The following PFKL variants were observed in gnomAD, a reference collection of about 807,000 sequenced individuals.
PFKL encodes ATP-dependent 6-phosphofructokinase, liver type.
Under a neutral mutation model 92.1 loss-of-function variants are expected in PFKL, and 74 were observed. That is an observed-to-expected ratio of 0.80 (90% CI 0.67 to 0.97). The LOEUF is 0.97. Ranked by LOEUF, PFKL falls within the 50% of genes least tolerant of loss-of-function variation. The pLI is 0.00. For missense variants in PFKL, 1,028 were observed against 1,116.6 expected (o/e 0.92, Z 1.13); for synonymous variants, 494 against 456.4 (o/e 1.08, Z -1.05).
intron 1 of PFKL, chr21:44,305,537 TG>T: frequency 1.0e-6 from 1 of 959,660 alleles, no homozygotes; most frequent in Non-Finnish European, 1.4e-6. Context: ...GTATGGGTGC[TG>T]GGAGGGAGGC....
rs781709491 is a variant in PFKL at position 44,322,088 on chromosome 21, C to G, written c.1339-45C>G. 9 of 1,571,464 alleles carry G rather than the reference C, an allele frequency of 5.7e-6. No homozygotes were observed. The East Asian group carries it at 1.8e-4, about 32-fold the overall frequency. ...CAGGCCCACCCCTGGGGGGAATTGGCCAGAGGCTCAGGCTGGCCCCTGAAG... is the reference window on the plus strand; with the variant it reads ...CAGGCCCACCCCTGGGGGGAATTGGGCAGAGGCTCAGGCTGGCCCCTGAAG... On this transcript the variant is annotated intron_variant, in intron 13 of 21. Transcript: ENST00000349048.
intron 7 of PFKL, chr21:44,315,995 T>C (rs949831863): frequency 1.1e-5 from 6 of 539,198 alleles, no homozygotes; most frequent in Admixed American, 3.2e-5. Flanking sequence ...CCTCCCCTGC[T>C]GCCCTTCCCA....
At chr21:44,307,939 A>G (rs1252772769) in intron 2 of PFKL, among the ~76,000 whole-genome samples, 1 of 152,180 alleles carries the variant, frequency 6.6e-6, no homozygotes, top group Non-Finnish European at 1.5e-5. Context: ...GTGGCAAAAG[A>G]CAGAAAACAG....
chr21:44,324,488 C>T lies in PFKL; in HGVS notation c.1651-3C>T, dbSNP rs755275963. 10 of 1,612,976 alleles carry T rather than the reference C, an allele frequency of 6.2e-6. No individual in the cohort carries two copies. The South Asian group carries it at 1.1e-4, about 18-fold the overall frequency. ...GGACCCCCGACCCCCCCTTGTCCCC[C>T]AGAGCTGTGACCGCATCAAACAGTC... On this transcript the variant is annotated splice_region_variant and splice_polypyrimidine_tract_variant and intron_variant, in intron 16 of 21. Transcript: ENST00000349048.
chr21:44,314,399 G>A, intron 7 of PFKL: 1 of 224,962 alleles, frequency 4.4e-6, no homozygotes, highest in East Asian at 1.1e-4. Context: ...GCAGGGCTGT[G>A]GGGGTGGCGA....
chr21:44,314,221 C>T (rs1032778821), intron 7 of PFKL, 200 bp downstream of exon 7: 5 of 579,916 alleles, frequency 8.6e-6, no homozygotes, highest in Non-Finnish European at 1.5e-5. Flanking sequence ...GGTCCTGCCC[C>T]CAGTGGGCAG....
At chr21:44,309,765 A>G (rs910534229) in intron 2 of PFKL, among the ~76,000 whole-genome samples, 1 of 152,148 alleles carries the variant, frequency 6.6e-6, no homozygotes, top group African/African-American at 2.4e-5. Context: ...AGAGGGGGCC[A>G]GGCTGGCCTG....
At chr21:44,303,069 C>A (rs1601986755) in intron 1 of PFKL, among the ~76,000 whole-genome samples, 1 of 152,034 alleles carries the variant, frequency 6.6e-6, no homozygotes, top group Non-Finnish European at 1.5e-5. Context: ...CTCGTCTCTA[C>A]TAAAAATACA....
intron 1 of PFKL, among the ~76,000 whole-genome samples, chr21:44,301,722 G>T (rs796278257): frequency 6.6e-6 from 1 of 152,110 alleles, no homozygotes; most frequent in South Asian, 2.1e-4. Context: ...CCAGGGAGGC[G>T]CTTTCTTGGT....
intron 19 of PFKL, 92 bp from the exon 20 acceptor site, chr21:44,325,869 A>G (rs966025777): frequency 8.2e-6 from 7 of 853,516 alleles, no homozygotes; most frequent in Non-Finnish European, 1.3e-5. Context: ...GCTGCCTGGG[A>G]GGCTCCCCGT....
chr21:44,307,406 C>G (rs558352061), intron 2 of PFKL: 45 of 600,698 alleles, frequency 7.5e-5, no homozygotes, highest in Non-Finnish European at 7.5e-5. Flanking sequence ...ACCACGCACT[C>G]ACAGGCTGCA....
chr21:44,326,934 G>A lies in PFKL; in HGVS notation c.*72G>A. 1 of 1,410,054 alleles carries A rather than the reference G, an allele frequency of 7.1e-7. No homozygotes were observed. The highest frequency in any genetic ancestry group is 9.8e-7 in the Non-Finnish European group (1 of 1,021,328). 87.3% of individuals were successfully genotyped at this position (1,410,054 alleles called of 1,614,324 possible). A position where few individuals can be genotyped will look rare whatever the true frequency, so the allele number is the denominator to read the frequency against. Reference sequence around the variant, plus strand: ...CAGCGCCAGGGCTCAGATGGGGCCTGGGCTGTTGTGTCTGGAGCCTGCAGG... The same window carrying A: ...CAGCGCCAGGGCTCAGATGGGGCCTAGGCTGTTGTGTCTGGAGCCTGCAGG... On this transcript the variant is annotated 3_prime_UTR_variant, in exon 22 of 22. Transcript: ENST00000349048.
intron 17 of PFKL, 58 bp downstream of exon 17, chr21:44,324,713 A>G: frequency 1.3e-6 from 2 of 1,561,060 alleles, no homozygotes; most frequent in Non-Finnish European, 1.7e-6. Context: ...CCTGGGCCCC[A>G]GACACTCAGG....
chr21:44,319,942 G>A (rs1288441413), intron 11 of PFKL, 142 bp from the exon 12 acceptor site: 1 of 707,222 alleles, frequency 1.4e-6, no homozygotes, highest in African/African-American at 1.8e-5. Flanking sequence ...TGCCTGGCAT[G>A]CGCGGTGTCT....
At chr21:44,308,230 T>A (rs2041008490) in intron 2 of PFKL, among the ~76,000 whole-genome samples, 1 of 152,116 alleles carries the variant, frequency 6.6e-6, no homozygotes, top group South Asian at 2.1e-4. Context: ...GGAGCCTTAG[T>A]CTTGGGATGC....
chr21:44,322,918 T>A, intron 14 of PFKL, 44 bp from the exon 15 acceptor site: 1 of 1,412,596 alleles, frequency 7.1e-7, no homozygotes, highest in South Asian at 1.2e-5. Flanking sequence ...TGGACACGCG[T>A]CCCCGGGTGC....
intron 1 of PFKL, 78 bp from the exon 2 acceptor site, chr21:44,306,603 C>T (rs1354050560): frequency 3.8e-6 from 5 of 1,312,710 alleles, no homozygotes; most frequent in South Asian, 2.5e-5. Context: ...CCCCTACCCC[C>T]TGTCCTCTGA....
At chr21:44,322,710 G>A (rs2047388288) in intron 14 of PFKL, among the ~76,000 whole-genome samples, 1 of 152,220 alleles carries the variant, frequency 6.6e-6, no homozygotes, top group African/African-American at 2.4e-5. Context: ...GGTTCCCACG[G>A]GGAGCCCAGC....
intron 1 of PFKL, among the ~76,000 whole-genome samples, chr21:44,302,485 G>A (rs77446181): frequency 0.02 from 3,050 of 152,274 alleles, 111 homozygotes; most frequent in African/African-American, 0.069. Context: ...TGCTGCTGCC[G>A]TGTGGCTCCC....
Sources: gnomAD v4.1 joint callset for allele counts (sites outside exome capture counted in the v4.1 genomes callset) on GRCh38, gnomAD v4.1.1 for gene constraint, MANE v1.5 for transcripts, NCBI Gene and HGNC (gene_info 2026-07-23, HGNC 2026-07-21) for gene names.